IMMP1L: variants seen among roughly 807,000 people sequenced by gnomAD.
The protein encoded by IMMP1L is mitochondrial inner membrane protease subunit 1.
IMMP1L carries 24 observed loss-of-function variants against 21.8 expected under a neutral mutation model. The observed-to-expected ratio is 1.10, with a 90% confidence interval of 0.80 to 1.55. The LOEUF is 1.55. IMMP1L is among the 40% of genes most tolerant of loss of function. The pLI, the probability that IMMP1L is intolerant of heterozygous loss-of-function variation, is 0.00. For missense variants in IMMP1L, 195 were observed against 200.7 expected (o/e 0.97, Z 0.17); for synonymous variants, 46 against 62.8 (o/e 0.73, Z 1.26).
chr11:31,485,604 A>C (rs1955045766), intron 1 of IMMP1L, among the ~76,000 whole-genome samples: 3 of 151,934 alleles, frequency 2.0e-5, no homozygotes, highest in Admixed American at 2.0e-4. Context: ...AACCATACTT[A>C]AGCTCTCACC....
intron 1 of IMMP1L, among the ~76,000 whole-genome samples, chr11:31,500,593 G>GCA (rs1191426124): frequency 4.2e-4 from 23 of 55,320 alleles, no homozygotes; most frequent in East Asian, 2.0e-3. Flanking sequence ...TTCCACATAT[G>GCA]CACACACACA....
At chr11:31,491,321 ACATT>A (rs1327906430) in intron 1 of IMMP1L, among the ~76,000 whole-genome samples, 4 of 152,220 alleles carry the variant, frequency 2.6e-5, no homozygotes, top group African/African-American at 7.2e-5. Flanking sequence ...AAGAATACAT[ACATT>A]ATCATGAACA....
chr11:31,486,981 G>A (rs1008555590), intron 1 of IMMP1L, among the ~76,000 whole-genome samples: 8 of 151,672 alleles, frequency 5.3e-5, no homozygotes, highest in African/African-American at 1.7e-4. Context: ...GAGTTTCTGG[G>A]ATGCCAGTAA....
At chr11:31,470,138 G>C (rs1440712484) in intron 1 of IMMP1L, among the ~76,000 whole-genome samples, 3 of 152,208 alleles carry the variant, frequency 2.0e-5, no homozygotes. Context: ...AAATGGGCTG[G>C]GTGCAGTGGC....
intron 1 of IMMP1L, among the ~76,000 whole-genome samples, chr11:31,497,460 C>CTT (rs796666845): frequency 1.5e-4 from 18 of 123,992 alleles, no homozygotes; most frequent in African/African-American, 2.5e-4. Context: ...TATTTCTTTT[C>CTT]TTTTTTTTTT....
At chr11:31,435,346 C>T (rs1953082879) in intron 4 of IMMP1L, among the ~76,000 whole-genome samples, 1 of 152,082 alleles carries the variant, frequency 6.6e-6, no homozygotes, top group Non-Finnish European at 1.5e-5. Context: ...GTCAGCCTTG[C>T]TTGGGGCCCT....
chr11:31,508,337 G>A (rs1275491161), intron 1 of IMMP1L, among the ~76,000 whole-genome samples: 3 of 152,126 alleles, frequency 2.0e-5, no homozygotes, highest in Non-Finnish European at 2.9e-5. Flanking sequence ...TCCTCCAGGT[G>A]AGACCATTTT....
At chr11:31,498,318 T>C (rs531133771) in intron 1 of IMMP1L, among the ~76,000 whole-genome samples, 1 of 152,334 alleles carries the variant, frequency 6.6e-6, no homozygotes, top group Admixed American at 6.5e-5. Context: ...GAAATATTTT[T>C]AAATTACAAA....
At chr11:31,489,589 C>G (rs570697601) in intron 1 of IMMP1L, among the ~76,000 whole-genome samples, 1 of 145,470 alleles carries the variant, frequency 6.9e-6, no homozygotes, top group Non-Finnish European at 1.5e-5. Context: ...TCATCTTTTG[C>G]TCTCCTTAGT....
At chr11:31,451,645 A>G (rs2133607865) in intron 4 of IMMP1L, among the ~76,000 whole-genome samples, 1 of 152,264 alleles carries the variant, frequency 6.6e-6, no homozygotes, top group Non-Finnish European at 1.5e-5. Flanking sequence ...AGTAAGTTTG[A>G]GATGACCATT....
intron 4 of IMMP1L, among the ~76,000 whole-genome samples, chr11:31,447,871 C>T (rs1338550200): frequency 6.6e-6 from 1 of 151,990 alleles, no homozygotes; most frequent in Admixed American, 6.6e-5. Context: ...TTTTTATGGG[C>T]TAAGATTAAG....
intron 1 of IMMP1L, among the ~76,000 whole-genome samples, chr11:31,498,541 A>G (rs920796176): frequency 6.6e-6 from 1 of 152,174 alleles, no homozygotes; most frequent in Non-Finnish European, 1.5e-5. Flanking sequence ...CACCATATTA[A>G]TCACTCTGAA....
intron 1 of IMMP1L, among the ~76,000 whole-genome samples, chr11:31,491,480 G>C (rs746244511): frequency 2.0e-4 from 30 of 152,308 alleles, no homozygotes; most frequent in South Asian, 4.2e-4. Context: ...TCTACTATGT[G>C]GCAAAACGTA....
chr11:31,491,497 G>A (rs1955256125), intron 1 of IMMP1L, among the ~76,000 whole-genome samples: 1 of 152,176 alleles, frequency 6.6e-6, no homozygotes, highest in Non-Finnish European at 1.5e-5. Context: ...CGTAGAACTT[G>A]GTAAGCAATT....
chr11:31,445,981 T>G (rs1953505172), intron 4 of IMMP1L, among the ~76,000 whole-genome samples: 1 of 152,232 alleles, frequency 6.6e-6, no homozygotes. Context: ...ACTTTTTTGC[T>G]ACTTGCTGTA....
chr11:31,489,239 G>A (rs1336989218), intron 1 of IMMP1L, among the ~76,000 whole-genome samples: 8 of 152,076 alleles, frequency 5.3e-5, no homozygotes, highest in African/African-American at 1.9e-4. Flanking sequence ...TTTGCTTTGT[G>A]TGAGTTTGCG....
chr11:31,494,794 C>T (rs1565010916), intron 1 of IMMP1L, among the ~76,000 whole-genome samples: 1 of 152,018 alleles, frequency 6.6e-6, no homozygotes, highest in African/African-American at 2.4e-5. Context: ...TACAGGTGCC[C>T]GCCACCACGC....
chr11:31,466,555 C>A (rs1464450876), intron 1 of IMMP1L, among the ~76,000 whole-genome samples: 1 of 152,094 alleles, frequency 6.6e-6, no homozygotes, highest in Non-Finnish European at 1.5e-5. Context: ...GCTATACATA[C>A]ACAATGGAAT....
chr11:31,499,593 C>G (rs1427943218), intron 1 of IMMP1L, among the ~76,000 whole-genome samples: 1 of 152,086 alleles, frequency 6.6e-6, no homozygotes, highest in African/African-American at 2.4e-5. Flanking sequence ...AATCTCCCAG[C>G]CCATCACATG....
Sources: gnomAD v4.1 joint callset for allele counts (sites outside exome capture counted in the v4.1 genomes callset) on GRCh38, gnomAD v4.1.1 for gene constraint, MANE v1.5 for transcripts, NCBI Gene and HGNC (gene_info 2026-07-23, HGNC 2026-07-21) for gene names.